The following DMD variants were observed in gnomAD, a reference collection of about 807,000 sequenced individuals.
DMD encodes the protein dystrophin, also known as mutant dystrophin.
A neutral mutation model predicts 330.1 loss-of-function variants in DMD; 63 were observed. The observed-to-expected ratio is 0.19, with a 90% CI of 0.16 to 0.24. The LOEUF (loss-of-function observed/expected upper bound fraction) is 0.24, where lower values mean the gene tolerates loss of function less well. DMD is among the 10% of genes least tolerant of loss of function. The pLI is 1.00. For synonymous variants in DMD, 1,223 were observed against 959.8 expected (o/e 1.27, Z -5.07); for missense variants, 3,344 against 2,684.1 (o/e 1.25, Z -5.43).
intron 9 of DMD, among the ~76,000 whole-genome samples, chrX:32,656,787 A>C (rs766205121): frequency 9.0e-6 from 1 of 111,701 alleles, no homozygotes. Context: ...AATATTTACT[A>C]AATTGTTTGG....
chrX:32,656,066 T>C (rs1372421173), intron 9 of DMD, among the ~76,000 whole-genome samples: 1 of 111,676 alleles, frequency 9.0e-6, no homozygotes, highest in East Asian at 2.8e-4. Flanking sequence ...ACCCTTTATG[T>C]AGTATTAGAA....
intron 48 of DMD, among the ~76,000 whole-genome samples, chrX:31,840,357 T>C: frequency 9.0e-6 from 1 of 110,958 alleles, no homozygotes; most frequent in East Asian, 2.8e-4. Context: ...AATATGAATA[T>C]ATGTGTGTGA....
intron 46 of DMD, among the ~76,000 whole-genome samples, chrX:31,931,495 C>T (rs766773996): frequency 6.3e-5 from 7 of 110,437 alleles, no homozygotes; most frequent in Non-Finnish European, 1.3e-4. Flanking sequence ...CCCACACCCC[C>T]AGACAAATCA....
intron 1 of DMD, among the ~76,000 whole-genome samples, chrX:33,248,019 T>C (rs1040500590): frequency 4.5e-5 from 5 of 111,597 alleles, no homozygotes; most frequent in Non-Finnish European, 7.5e-5. Context: ...ATAAATAATA[T>C]TTTATTGTAT....
chrX:31,709,630 A>G (rs2084480684), intron 52 of DMD, among the ~76,000 whole-genome samples: 1 of 107,840 alleles, frequency 9.3e-6, no homozygotes, highest in Admixed American at 1.0e-4. Context: ...TGTCAGAGAG[A>G]AATATTTGCG....
intron 9 of DMD, among the ~76,000 whole-genome samples, chrX:32,655,403 G>T (rs2060489582): frequency 8.9e-6 from 1 of 112,350 alleles, no homozygotes; most frequent in Non-Finnish European, 1.9e-5. Context: ...GTACCCAGTA[G>T]TCATTCAGCA....
chrX:32,049,092 G>A (rs2096085634), intron 44 of DMD, among the ~76,000 whole-genome samples: 1 of 111,418 alleles, frequency 9.0e-6, no homozygotes, highest in South Asian at 3.7e-4. Flanking sequence ...TTGGGAAAAT[G>A]TATTATCTAT....
At chrX:32,426,733 T>C (rs1424991444) in intron 29 of DMD, among the ~76,000 whole-genome samples, 1 of 111,293 alleles carries the variant, frequency 9.0e-6, no homozygotes, top group East Asian at 2.8e-4. Context: ...GTAGACTAGA[T>C]AAAGAAAATG....
chrX:32,724,056 G>A (rs1244937007), intron 7 of DMD, among the ~76,000 whole-genome samples: 1 of 111,652 alleles, frequency 9.0e-6, no homozygotes, highest in African/African-American at 3.2e-5. Context: ...AGCACATATT[G>A]TTGTATTTCA....
chrX:32,445,499 A>C (rs1306806136), intron 27 of DMD, among the ~76,000 whole-genome samples: 2 of 111,108 alleles, frequency 1.8e-5, no homozygotes, highest in African/African-American at 6.5e-5. Flanking sequence ...GCAACAGATT[A>C]ATCTAAACTT....
intron 43 of DMD, among the ~76,000 whole-genome samples, chrX:32,286,322 G>A (rs1355334264): frequency 8.9e-6 from 1 of 111,857 alleles, no homozygotes; most frequent in Admixed American, 9.5e-5. Context: ...ATTAAATGAT[G>A]AAACAATATC....
At chrX:32,492,211 G>T (rs1160772006) in intron 19 of DMD, among the ~76,000 whole-genome samples, 1 of 111,140 alleles carries the variant, frequency 9.0e-6, no homozygotes, top group Non-Finnish European at 1.9e-5. Flanking sequence ...GGTGGCGGGC[G>T]CCTGGGGTTC....
chrX:32,607,510 T>A (rs1433882462), intron 12 of DMD, among the ~76,000 whole-genome samples: 1 of 109,983 alleles, frequency 9.1e-6, no homozygotes, highest in Non-Finnish European at 1.9e-5. Context: ...AAGAGAGTAC[T>A]ACCAGATGTA....
At chrX:32,910,514 C>T (rs761293677) in intron 2 of DMD, among the ~76,000 whole-genome samples, 2 of 110,900 alleles carry the variant, frequency 1.8e-5, no homozygotes, top group South Asian at 3.9e-4. Context: ...CTGCAACCTC[C>T]GCCTCCCAAT....
At position 32,178,979 on chromosome X, in the gene DMD, T is replaced by TCTCC. The variant is rs1557194216; in HGVS notation, c.6438+37933_6438+37936dup. Among the ~76,000 whole-genome samples, 3 of 103,316 alleles carry TCTCC rather than the reference T, an allele frequency of 2.9e-5. No individual in the cohort carries two copies. The South Asian group carries it at 1.3e-3, about 46-fold the overall frequency. 89.7% of individuals were successfully genotyped at this position (103,316 alleles called of 115,157 possible). On this transcript the variant is annotated intron_variant, in intron 44 of 78. Transcript: ENST00000357033. Reference sequence around the variant, plus strand: ...CTCTCTCTCTCTCTCTCTCTCTCTCTCTCCCTCTCCTCCTGCTCCTCCTCC... The same window carrying TCTCC: ...CTCTCTCTCTCTCTCTCTCTCTCTCTCTCCCTCCCTCTCCTCCTGCTCCTCCTCC...
chrX:32,771,265 T>C (rs1208501635), intron 7 of DMD, among the ~76,000 whole-genome samples: 1 of 112,007 alleles, frequency 8.9e-6, no homozygotes, highest in Non-Finnish European at 1.9e-5. Context: ...ATTTCTATAA[T>C]TTTGAAGCCA....
chrX:32,597,108 G>A (rs976846490), intron 12 of DMD, among the ~76,000 whole-genome samples: 7 of 111,330 alleles, frequency 6.3e-5, no homozygotes, highest in African/African-American at 2.3e-4. Context: ...CCTCTACCAG[G>A]ATTGCTTTTC....
chrX:31,599,506 T>C (rs1318413970), intron 55 of DMD, among the ~76,000 whole-genome samples: 3 of 112,265 alleles, frequency 2.7e-5, no homozygotes, highest in African/African-American at 6.5e-5. Context: ...ATAGAAGATA[T>C]TTAAATTCCT....
At chrX:31,993,673 G>A (rs772750292) in intron 44 of DMD, among the ~76,000 whole-genome samples, 5 of 111,807 alleles carry the variant, frequency 4.5e-5, no homozygotes, top group Non-Finnish European at 5.6e-5. Flanking sequence ...ACGGTTTCTG[G>A]TTTTTCATGT....
Sources: gnomAD v4.1 joint callset for allele counts (sites outside exome capture counted in the v4.1 genomes callset) on GRCh38, gnomAD v4.1.1 for gene constraint, MANE v1.5 for transcripts, NCBI Gene and HGNC (gene_info 2026-07-23, HGNC 2026-07-21) for gene names.